CSMD1: variants seen among roughly 807,000 people sequenced by gnomAD.
CSMD1 encodes CUB and Sushi multiple domains 1, also known as CUB and sushi domain-containing protein 1.
A neutral mutation model predicts 417.5 loss-of-function variants in CSMD1; 213 were observed. The ratio of observed to expected loss-of-function variants is 0.51; its 90% CI spans 0.46 to 0.57. CSMD1 has a LOEUF of 0.57. Among genes scored for constraint, CSMD1 ranks in the 20% least tolerant of loss-of-function variants. CSMD1 has a pLI of 0.00. For missense variants in CSMD1, 6,923 were observed against 4,529.7 expected (o/e 1.53, Z -15.17); for synonymous variants, 2,862 against 1,736.8 (o/e 1.65, Z -16.11).
intron 49 of CSMD1, among the ~76,000 whole-genome samples, chr8:3,081,102 C>T (rs1036190146): frequency 3.9e-5 from 6 of 152,034 alleles, no homozygotes; most frequent in Non-Finnish European, 7.4e-5. Context: ...TGCCCGGGTC[C>T]GAGGGACACA....
intron 2 of CSMD1, among the ~76,000 whole-genome samples, chr8:4,534,451 T>C (rs1233822085): frequency 6.6e-6 from 1 of 152,204 alleles, no homozygotes. Context: ...CTCATTAATA[T>C]TTTTGTTATT....
chr8:3,491,102 T>G (rs150736169), intron 11 of CSMD1, among the ~76,000 whole-genome samples: 1 of 152,270 alleles, frequency 6.6e-6, no homozygotes, highest in East Asian at 1.9e-4. Context: ...TACAAAGATA[T>G]TCACTTCACA....
intron 3 of CSMD1, among the ~76,000 whole-genome samples, chr8:4,108,734 C>G (rs1801700589): frequency 6.6e-6 from 1 of 151,590 alleles, no homozygotes; most frequent in Non-Finnish European, 1.5e-5. Context: ...TGCATACCGA[C>G]TTTTGTTACA....
rs184845115 is a variant in CSMD1 at position 3,307,820 on chromosome 8, C to A, written c.3825G>T (p.Ala1275=). ...CTGCATGGATCTGACCACCACATTC[C>A]GCTGTAGAAGACACAGAGAGATGGG... ...VWDKPLPSCI[A]ECGGQIHAAT... The change falls in exon 25 of 70, where the codon GCG becomes GCT. Residue 1275 remains alanine, a splice_region_variant and synonymous_variant. Transcript: ENST00000635120. The A allele has an allele frequency of 1.4e-5, 23 of 1,611,894 alleles. No homozygotes were observed. The highest frequency in any genetic ancestry group is 2.0e-5 in the Non-Finnish European group (23 of 1,179,030).
chr8:3,640,309 G>A (rs968478922), intron 7 of CSMD1, among the ~76,000 whole-genome samples: 2 of 152,158 alleles, frequency 1.3e-5, no homozygotes, highest in African/African-American at 4.8e-5. Context: ...CAGGTTTCAT[G>A]TTCACAACCA....
intron 3 of CSMD1, among the ~76,000 whole-genome samples, chr8:4,330,894 T>G (rs1799832818): frequency 6.6e-6 from 1 of 152,108 alleles, no homozygotes; most frequent in Non-Finnish European, 1.5e-5. Context: ...TCAGAAAGCT[T>G]CATTATGTAT....
rs1425918663 is a variant in CSMD1 at position 3,366,977 on chromosome 8, C to T, written c.3115+55G>A. The T allele has an allele frequency of 3.7e-6, 5 of 1,341,680 alleles. No homozygotes were observed. The African/African-American group carries it at 4.3e-5, about 12-fold the overall frequency. 83.1% of individuals were successfully genotyped at this position (1,341,680 alleles called of 1,614,324 possible). On this transcript the variant is annotated intron_variant, in intron 20 of 69. Coordinates refer to ENST00000635120, the MANE Select transcript of CSMD1 (RefSeq NM_033225.6). ...ACACACCCACACACATTCTCACTAA[C>T]AGAAATGGCAGTATTGTTGCCAGAG...
At chr8:3,325,716 C>G (rs1009214126) in intron 23 of CSMD1, among the ~76,000 whole-genome samples, 6 of 152,178 alleles carry the variant, frequency 3.9e-5, no homozygotes, top group African/African-American at 1.4e-4. Flanking sequence ...CCCAGCTACT[C>G]GGGAAGCTGA....
intron 5 of CSMD1, among the ~76,000 whole-genome samples, chr8:3,926,456 A>T (rs1004699944): frequency 6.7e-6 from 1 of 149,800 alleles, no homozygotes; most frequent in Non-Finnish European, 1.5e-5. Flanking sequence ...ATATTTGTTG[A>T]ATGAGTGAAT....
At chr8:3,765,015 G>C (rs1247634878) in intron 5 of CSMD1, among the ~76,000 whole-genome samples, 1 of 151,854 alleles carries the variant, frequency 6.6e-6, no homozygotes, top group African/African-American at 2.4e-5. Context: ...AAAGTTCTGG[G>C]ATTACAGGCA....
At chr8:4,683,965 G>A (rs1416385994) in intron 1 of CSMD1, among the ~76,000 whole-genome samples, 2 of 152,190 alleles carry the variant, frequency 1.3e-5, no homozygotes, top group African/African-American at 2.4e-5. Flanking sequence ...ATTTATCACA[G>A]TGAAATCTGA....
At chr8:4,254,993 A>C (rs748842888) in intron 3 of CSMD1, among the ~76,000 whole-genome samples, 20 of 152,210 alleles carry the variant, frequency 1.3e-4, no homozygotes, top group Non-Finnish European at 2.4e-4. Context: ...CTAAATCCAG[A>C]AGATCACTCA....
intron 4 of CSMD1, among the ~76,000 whole-genome samples, chr8:4,006,497 T>C (rs1011270662): frequency 1.3e-5 from 2 of 152,110 alleles, no homozygotes; most frequent in Non-Finnish European, 2.9e-5. Flanking sequence ...TGAGCCAAGA[T>C]CACCCCACTG....
chr8:4,824,445 A>G (rs113555707), intron 1 of CSMD1, among the ~76,000 whole-genome samples: 2,076 of 152,250 alleles, frequency 0.014, 53 homozygotes, highest in African/African-American at 0.048. Context: ...GAAAAATTGT[A>G]TAATTAAAGA....
chr8:3,685,599 T>G (rs1397906620), intron 7 of CSMD1, among the ~76,000 whole-genome samples: 1 of 152,194 alleles, frequency 6.6e-6, no homozygotes, highest in Non-Finnish European at 1.5e-5. Flanking sequence ...TCTCATTGCC[T>G]GGATATGGTG....
chr8:3,422,847 C>G (rs1310233866), intron 12 of CSMD1, among the ~76,000 whole-genome samples: 1 of 152,294 alleles, frequency 6.6e-6, no homozygotes, highest in African/African-American at 2.4e-5. Context: ...GACAACTGCT[C>G]TCTGCTTCGA....
chr8:3,583,363 G>C (rs1035709133), intron 9 of CSMD1, among the ~76,000 whole-genome samples: 2 of 151,876 alleles, frequency 1.3e-5, no homozygotes, highest in African/African-American at 4.8e-5. Flanking sequence ...CATAGAGAAG[G>C]CCTCAGGTGC....
intron 26 of CSMD1, among the ~76,000 whole-genome samples, chr8:3,262,050 T>G (rs1801105233): frequency 6.6e-6 from 1 of 151,770 alleles, no homozygotes; most frequent in Non-Finnish European, 1.5e-5. Context: ...CCACTCTAAG[T>G]GGATCTATGA....
intron 1 of CSMD1, among the ~76,000 whole-genome samples, chr8:4,666,472 G>C (rs1804946175): frequency 6.6e-6 from 1 of 152,220 alleles, no homozygotes; most frequent in Non-Finnish European, 1.5e-5. Flanking sequence ...TAGAAGCTGT[G>C]AGAGGCAAAA....
Sources: allele counts gnomAD v4.1 joint callset (sites outside exome capture counted in the v4.1 genomes callset), GRCh38; gene constraint gnomAD v4.1.1; transcripts MANE v1.5; gene names NCBI Gene and HGNC (gene_info 2026-07-23, HGNC 2026-07-21).